The following SCO2 variants were observed in gnomAD, a reference collection of about 807,000 sequenced individuals.
The protein encoded by SCO2 is cytochrome c oxidase assembly factor SCO2.
For synonymous variants in SCO2, 195 were observed against 148.6 expected, an observed-to-expected ratio of 1.31 and a Z score of -2.27; for missense variants, 429 against 348.7, an observed-to-expected ratio of 1.23 and a Z score of -1.83.
At chr22:50,524,547 C>T (rs1240277687) in intron 1 of SCO2, 123 bp from the exon 2 acceptor site, 1 of 868,580 alleles carries the variant, frequency 1.2e-6, no homozygotes, top group Non-Finnish European at 1.9e-6. Context: ...GCTTAACAGG[C>T]ATTTGCAGCT....
rs2069305430 is a variant in SCO2, at chr22:50,525,460, C to T, written c.-14+12G>A. The T allele has an allele frequency of 4.4e-6, 2 of 450,008 alleles. No individual in the cohort carries two copies. Among genetic ancestry groups the T allele is most frequent in the African/African-American group, 2.1e-5 (1 of 46,710 alleles). The allele number at this position is 450,008 out of a possible 1,614,324, so 27.9% of individuals were successfully genotyped here. A position where few individuals can be genotyped will look rare whatever the true frequency, so the allele number is the denominator to read the frequency against. On this transcript the variant is annotated intron_variant, in intron 1 of 1. Transcript: ENST00000395693. ...GGGCTACCTCCTCCCCTCCCAGCCCCGGCGTCCGCACCTCGCGGCGGGGCC... is the reference window on the plus strand; with the variant it reads ...GGGCTACCTCCTCCCCTCCCAGCCCTGGCGTCCGCACCTCGCGGCGGGGCC...
At position 50,525,520 on chromosome 22, in the gene SCO2, G is replaced by A. The variant is rs1476626286; in HGVS notation, c.-62C>T. ...TGGACCAAGCACGAGAGGAAGCGCC[G>A]ACCTCCAGCTCCCTGCGCTCTGCCC... On this transcript the variant is annotated 5_prime_UTR_variant, in exon 1 of 2. Transcript: ENST00000395693. The A allele has an allele frequency of 3.5e-6, 2 of 570,550 alleles. No homozygotes were observed. The highest frequency in any genetic ancestry group is 6.1e-6 in the Non-Finnish European group (2 of 329,720). 35.3% of individuals were successfully genotyped at this position (570,550 alleles called of 1,614,324 possible).
chr22:50,524,485 C>G (rs2069242056), intron 1 of SCO2, 61 bp from the exon 2 acceptor site: 1 of 1,501,300 alleles, frequency 6.7e-7, no homozygotes, highest in Non-Finnish European at 9.2e-7. Context: ...GCCTGGGCTG[C>G]CCCTGCGACT....
upstream of SCO2, chr22:50,525,695 A>G: frequency 6.4e-7 from 1 of 1,559,184 alleles, no homozygotes; most frequent in Non-Finnish European, 8.7e-7. Flanking sequence ...GTTCATCGAG[A>G]CGGCCCCCGC....
rs111681173 is a variant in SCO2 at position 50,525,589 on chromosome 22, C to G, written c.-131G>C. 3.2e-6 allele frequency: 3 copies of G among 923,370 alleles called. No individual in the cohort carries two copies. Among genetic ancestry groups the G allele is most frequent in the African/African-American group, 1.7e-5 (1 of 58,950 alleles). The allele number at this position is 923,370 out of a possible 1,614,324, so 57.2% of individuals were successfully genotyped here. On this transcript the variant is annotated 5_prime_UTR_variant, in exon 1 of 2. Transcript: ENST00000395693. ...GGGCGCCACACGCTCACAGGCAGGG[C>G]GCAGGCGTCCCCGGAGCTGCGCATG...
At chr22:50,525,803 G>C, upstream of SCO2, 1 of 1,610,752 alleles carries the variant, frequency 6.2e-7, no homozygotes, top group African/African-American at 1.3e-5. Flanking sequence ...GCTCTGCGAA[G>C]GGCGAGGGGG....
chr22:50,525,788 A>G, upstream of SCO2: 1 of 1,610,892 alleles, frequency 6.2e-7, no homozygotes, highest in Non-Finnish European at 8.5e-7. Context: ...GCGGCGGCAG[A>G]ACGAGCTCTG....
chr22:50,526,234 C>T (rs202177002), upstream of SCO2: 1,050 of 1,529,992 alleles, frequency 6.9e-4, 7 homozygotes, highest in African/African-American at 0.013. Context: ...CGGGGACTCC[C>T]CCGACGCTCA....
rs746678130 is a variant in SCO2 at position 50,523,658 on chromosome 22, C to T, written c.754G>A (p.Asp252Asn). The T allele has an allele frequency of 6.2e-7, 1 of 1,613,908 alleles. No individual in the cohort carries two copies. Among genetic ancestry groups the T allele is most frequent in the African/African-American group, 1.3e-5 (1 of 74,938 alleles). The change falls in exon 2 of 2, where the codon GAC (aspartate) becomes AAC (asparagine). Residue 252 changes from aspartate (D) to asparagine (N), a missense_variant. Coordinates refer to ENST00000395693, the MANE Select transcript of SCO2 (RefSeq NM_005138.3). The part of the protein sequence containing the change: ...GRSRSAEQIS[D>N]SVRRHMAAFR... ...GCCGCCATGTGCCGCCGCACACTGT[C>T]TGAGATCTGCTCAGCCGATCTGCTC... is the stretch of plus-strand genomic sequence containing the variant.
At chr22:50,524,497 G>A (rs772303958) in intron 1 of SCO2, 73 bp from the exon 2 acceptor site, 7 of 1,396,676 alleles carry the variant, frequency 5.0e-6, no homozygotes, top group Non-Finnish European at 7.0e-6. Flanking sequence ...CCTGCGACTT[G>A]AGACCAGCCA....
At position 50,524,240 on chromosome 22, in the gene SCO2, G is replaced by A. The variant is rs745534256; in HGVS notation, c.172C>T (p.Arg58Ter). The A allele has an allele frequency of 3.1e-6, 5 of 1,606,320 alleles. No homozygotes were observed. Among genetic ancestry groups the A allele is most frequent in the Middle Eastern group, 1.7e-4 (1 of 6,046 alleles). The change falls in exon 2 of 2, where the codon CGA becomes TGA. Residue 58 changes from arginine (R) to a stop codon, truncating the protein, a stop_gained. Coordinates refer to ENST00000395693, the MANE Select transcript of SCO2 (RefSeq NM_005138.3). LOFTEE classifies it low-confidence loss of function (END_TRUNC). Reference protein sequence around the residue: ...GQGQPQGPGLRTRLLITGLFG... With the variant: ...GQGQPQGPGL ...AGGCCTGTGATCAGCAGCCGGGTTCGAAGCCCAGGGCCCTGGGGCTGGCCC... is the reference window on the plus strand; with the variant it reads ...AGGCCTGTGATCAGCAGCCGGGTTCAAAGCCCAGGGCCCTGGGGCTGGCCC...
upstream of SCO2, chr22:50,526,166 G>T (rs1473173400): frequency 1.4e-6 from 2 of 1,469,268 alleles, no homozygotes; most frequent in Admixed American, 2.3e-5. Context: ...GCTGAGAGGC[G>T]CGGGCTCGGG....
In SCO2 at chr22:50,523,874, A is replaced by G. The variant is rs1284999406; in HGVS notation, c.538T>C (p.Tyr180His). 1.9e-6 allele frequency: 3 copies of G among 1,613,824 alleles called. No homozygotes were observed. Among genetic ancestry groups the G allele is most frequent in the Non-Finnish European group, 2.5e-6 (3 of 1,180,034 alleles). Residue 180 changes from tyrosine to histidine, a missense_variant, in exon 2 of 2, where the codon TAC becomes CAC. Coordinates refer to ENST00000395693, the MANE Select transcript of SCO2 (RefSeq NM_005138.3). ...ERDDVEAMAR[Y>H]VQDFHPRLLG... is the part of the protein sequence containing the mutation. ...AGTCTTGGGTGGAAGTCCTGGACGT[A>G]GCGGGCCATGGCTTCAACGTCGTCC...
chr22:50,523,602 T>C lies in SCO2; in HGVS notation c.*9A>G, dbSNP rs1455083868. The C allele has an allele frequency of 1.9e-6, 3 of 1,612,752 alleles. No individual in the cohort carries two copies. Among genetic ancestry groups the C allele is most frequent in the Non-Finnish European group, 2.5e-6 (3 of 1,179,754 alleles). ...GCCCGTTTAATGATGGGGCCCAGAC[T>C]GCAGTGGCTCAAGACAGGACACTGC... On this transcript the variant is annotated 3_prime_UTR_variant, in exon 2 of 2. Transcript: ENST00000395693.
At chr22:50,525,939 A>G, upstream of SCO2, 1 of 1,434,214 alleles carries the variant, frequency 7.0e-7, no homozygotes, top group Admixed American at 3.0e-5. Context: ...AGGGGCTGTT[A>G]GAGGCCGCGC....
At chr22:50,526,148 G>C (rs1277942389), upstream of SCO2, 2 of 1,481,756 alleles carry the variant, frequency 1.3e-6, no homozygotes, top group Non-Finnish European at 1.8e-6. Flanking sequence ...GTGCCTGCGG[G>C]GAGAGGGGCT....
In SCO2 at chr22:50,525,557, G is replaced by C; in HGVS notation, c.-99C>G. On this transcript the variant is annotated 5_prime_UTR_variant, in exon 1 of 2. Transcript: ENST00000395693. ...CCTGCGCTCTGCCCCGCCGGCTCAGGGAAAGCGGGCGCCACACGCTCACAG... is the reference window on the plus strand; with the variant it reads ...CCTGCGCTCTGCCCCGCCGGCTCAGCGAAAGCGGGCGCCACACGCTCACAG... 1 of 702,086 alleles carries C rather than the reference G, an allele frequency of 1.4e-6. No individual in the cohort carries two copies. Among genetic ancestry groups the C allele is most frequent in the Non-Finnish European group, 2.3e-6 (1 of 429,812 alleles). The allele number at this position is 702,086 out of a possible 1,614,324, so 43.5% of individuals were successfully genotyped here.
rs1361878982 is a variant in SCO2, at chr22:50,524,293, C to A, written c.119G>T (p.Arg40Met). The change falls in exon 2 of 2, where the codon AGG becomes ATG. Residue 40 changes from arginine (R) to methionine (M), a missense_variant. By Grantham distance (91) the Arg-to-Met change is moderately conservative. Transcript: ENST00000395693. ...ALHLRSWLLS[R>M]QGPAETGGQG... ...CCCACCTGTCTCTGCAGGGCCCTGCCTTGACAAAAGCCAGGACCTCAGATG... is the reference window on the plus strand; with the variant it reads ...CCCACCTGTCTCTGCAGGGCCCTGCATTGACAAAAGCCAGGACCTCAGATG... 4 of 1,603,216 alleles carry A rather than the reference C, an allele frequency of 2.5e-6. No homozygotes were observed. The South Asian group carries it at 4.4e-5, about 18-fold the overall frequency.
At position 50,524,245 on chromosome 22, in the gene SCO2, C is replaced by T; in HGVS notation, c.167G>A (p.Gly56Glu). 6.2e-7 allele frequency: 1 copy of T among 1,606,340 alleles called. No individual in the cohort carries two copies. Among genetic ancestry groups the T allele is most frequent in the Non-Finnish European group, 8.5e-7 (1 of 1,179,866 alleles). The stretch of plus-strand genomic sequence containing the variant: ...TGTGATCAGCAGCCGGGTTCGAAGC[C>T]CAGGGCCCTGGGGCTGGCCCTGCCC... The part of the protein sequence containing the change: ...TGGQGQPQGP[G>E]LRTRLLITGL... Residue 56 changes from glycine to glutamate, a missense_variant, in exon 2 of 2, where the codon GGG becomes GAG. Physicochemically the swap from Gly to Glu is moderately conservative, Grantham distance 98. Transcript: ENST00000395693.
Sources: allele counts gnomAD v4.1 joint callset, GRCh38; gene constraint gnomAD v4.1.1; transcripts MANE v1.5; gene names NCBI Gene and HGNC (gene_info 2026-07-23, HGNC 2026-07-21).